The following VWF variants were observed in gnomAD, a reference collection of about 807,000 sequenced individuals.
VWF encodes the protein Factor VIII related antigen.
In VWF, 176 loss-of-function variants were observed where a neutral mutation model predicts 308.6. The observed-to-expected ratio is 0.57, with a 90% CI of 0.50 to 0.65. The LOEUF is 0.65. Ranked by LOEUF, VWF falls within the 30% of genes least tolerant of loss-of-function variation. VWF has a pLI of 0.00. For synonymous variants in VWF, 1,385 were observed against 1,443.4 expected (o/e 0.96, Z 0.92); for missense variants, 3,146 against 3,648.2 (o/e 0.86, Z 3.55).
At chr12:6,119,736 G>A (rs533334639) in intron 3 of VWF, among the ~76,000 whole-genome samples, 5 of 152,306 alleles carry the variant, frequency 3.3e-5, no homozygotes, top group African/African-American at 1.2e-4. Flanking sequence ...CAGCTACTTG[G>A]GAGGCTGAGG....
At chr12:6,077,705 C>T (rs2136477450) in intron 6 of VWF, among the ~76,000 whole-genome samples, 1 of 152,300 alleles carries the variant, frequency 6.6e-6, no homozygotes, top group Middle Eastern at 3.4e-3. Flanking sequence ...ATGCAGGCCA[C>T]TGTTGTGGGT....
At chr12:6,120,308 T>A (rs542355083) in intron 3 of VWF, among the ~76,000 whole-genome samples, 4 of 152,188 alleles carry the variant, frequency 2.6e-5, no homozygotes, top group East Asian at 3.9e-4. Flanking sequence ...TTAGTCCAGT[T>A]TTTTTGTTTT....
intron 5 of VWF, among the ~76,000 whole-genome samples, chr12:6,106,223 A>G (rs1591921737): frequency 6.6e-6 from 1 of 152,302 alleles, no homozygotes; most frequent in East Asian, 1.9e-4. Context: ...CTTTTCCTCA[A>G]ATTCCTCTGA....
At chr12:6,099,265 G>A (rs951726185) in intron 5 of VWF, among the ~76,000 whole-genome samples, 6 of 144,430 alleles carry the variant, frequency 4.2e-5, no homozygotes, top group Non-Finnish European at 6.0e-5. Context: ...GTTGCAGTGA[G>A]CCCCGATCGC....
intron 41 of VWF, among the ~76,000 whole-genome samples, chr12:5,982,665 T>C (rs534266932): frequency 9.3e-4 from 141 of 152,228 alleles, no homozygotes; most frequent in African/African-American, 3.2e-3. Context: ...GGGAGGTAAA[T>C]ACAGAATTTG....
chr12:5,981,821 A>C lies in VWF; in HGVS notation c.7252T>G (p.Cys2418Gly). 6.2e-7 allele frequency: 1 copy of C among 1,614,160 alleles called. No individual in the cohort carries two copies. Among genetic ancestry groups the C allele is most frequent in the East Asian group, 2.2e-5 (1 of 44,884 alleles). The change falls in exon 42 of 52, where the codon TGT (cysteine) becomes GGT (glycine). Residue 2418 changes from cysteine to glycine, a missense_variant. Transcript: ENST00000261405. ...AGGCAGGTGGTTGTGGTACAGCCAC[A>C]GTCATTGGTGGCAGTTGAGGCCAAG... ...GYLASTATND[C>G]GCTTTTCLPD...
intron 34 of VWF, among the ~76,000 whole-genome samples, chr12:6,007,262 A>G (rs933876180): frequency 6.6e-6 from 1 of 152,206 alleles, no homozygotes; most frequent in African/African-American, 2.4e-5. Context: ...CTACCCAACA[A>G]CAGCAAATTA....
intron 34 of VWF, among the ~76,000 whole-genome samples, chr12:5,998,465 C>A (rs1480112337): frequency 5.5e-5 from 3 of 54,578 alleles, no homozygotes; most frequent in African/African-American, 8.0e-5. Context: ...GAGACTCCGT[C>A]AAAAAAAAAA....
chr12:6,113,503 C>A (rs1030477133), intron 3 of VWF, among the ~76,000 whole-genome samples: 10 of 152,110 alleles, frequency 6.6e-5, no homozygotes, highest in Admixed American at 6.5e-4. Flanking sequence ...TTCACCATAG[C>A]CAGGATGGTC....
chr12:5,985,782 G>T, intron 38 of VWF, 117 bp from the exon 39 acceptor site: 1 of 942,868 alleles, frequency 1.1e-6, no homozygotes, highest in Non-Finnish European at 1.7e-6. Context: ...CCAGCCCTCT[G>T]ACAGAGCCTC....
At chr12:6,092,622 T>TGAGTGAGAGAGAGAGAGAGAGA (rs1403649370) in intron 6 of VWF, among the ~76,000 whole-genome samples, 1 of 91,492 alleles carries the variant, frequency 1.1e-5, no homozygotes, top group African/African-American at 5.3e-5. Context: ...AGTGAGAGTG[T>TGAGTGAGAGAGAGAGAGAGAGA]GTGTGTGTGT....
chr12:5,980,060 G>A (rs1203581444), intron 42 of VWF, among the ~76,000 whole-genome samples: 4 of 141,560 alleles, frequency 2.8e-5, no homozygotes, highest in South Asian at 2.3e-4. Flanking sequence ...AAAGAAGAAC[G>A]AATGAAAAGA....
chr12:6,100,283 C>T (rs1417885492), intron 5 of VWF, among the ~76,000 whole-genome samples: 1 of 149,128 alleles, frequency 6.7e-6, no homozygotes, highest in Non-Finnish European at 1.5e-5. Flanking sequence ...AACACTTTTA[C>T]ACTGTTGGTG....
At chr12:6,115,672 CG>C (rs1465332455) in intron 3 of VWF, among the ~76,000 whole-genome samples, 1 of 152,126 alleles carries the variant, frequency 6.6e-6, no homozygotes, top group Non-Finnish European at 1.5e-5. Context: ...GACGGAGAAA[CG>C]AAGGCCTAGG....
At chr12:6,068,594 C>T (rs1314639550) in intron 10 of VWF, among the ~76,000 whole-genome samples, 1 of 152,084 alleles carries the variant, frequency 6.6e-6, no homozygotes, top group East Asian at 1.9e-4. Context: ...CTCAGCTTCC[C>T]GAGTAGCTGA....
chr12:5,973,807 AT>A (rs1314751064), intron 43 of VWF, among the ~76,000 whole-genome samples: 1 of 152,188 alleles, frequency 6.6e-6, no homozygotes, highest in Non-Finnish European at 1.5e-5. Context: ...ACTGAGCCTC[AT>A]TCAGGAGCCT....
intron 34 of VWF, among the ~76,000 whole-genome samples, chr12:6,001,379 T>C (rs1186641906): frequency 6.6e-6 from 1 of 152,112 alleles, no homozygotes; most frequent in Non-Finnish European, 1.5e-5. Context: ...ACCCAACTAT[T>C]GCTATATAAC....
At chr12:6,061,184 G>C (rs975332488) in intron 13 of VWF, among the ~76,000 whole-genome samples, 2 of 152,128 alleles carry the variant, frequency 1.3e-5, no homozygotes, top group Non-Finnish European at 2.9e-5. Context: ...CTGGGCAACA[G>C]AGTGAGACCC....
chr12:6,006,844 A>G (rs1943934975), intron 34 of VWF, among the ~76,000 whole-genome samples: 1 of 152,214 alleles, frequency 6.6e-6, no homozygotes, highest in Non-Finnish European at 1.5e-5. Flanking sequence ...TCTACAAGAG[A>G]GAGACTCACT....
Sources: allele counts gnomAD v4.1 joint callset (sites outside exome capture counted in the v4.1 genomes callset), GRCh38; gene constraint gnomAD v4.1.1; transcripts MANE v1.5; gene names NCBI Gene and HGNC (gene_info 2026-07-23, HGNC 2026-07-21).